The following NSD2 variants were observed in gnomAD, a reference collection of about 807,000 sequenced individuals.
NSD2 encodes histone-lysine N-methyltransferase NSD2.
A neutral mutation model predicts 139.0 loss-of-function variants in NSD2; 12 were observed. That is an observed-to-expected ratio of 0.09 (90% CI 0.06 to 0.14). The LOEUF (loss-of-function observed/expected upper bound fraction) is 0.14. Ranked by LOEUF, NSD2 falls within the 10% of genes least tolerant of loss-of-function variation. The probability of loss-of-function intolerance (pLI) is 1.00; values close to 1 mark genes in which losing one functional copy is unlikely to be tolerated. For missense variants in NSD2, 1,155 were observed against 1,745.0 expected (o/e 0.66, Z 6.02); for synonymous variants, 669 against 648.7 (o/e 1.03, Z -0.48).
intron 7 of NSD2, among the ~76,000 whole-genome samples, chr4:1,935,782 AC>A (rs1722313483): frequency 6.6e-6 from 1 of 151,816 alleles, no homozygotes; most frequent in Non-Finnish European, 1.5e-5. Context: ...AATTGCTTGA[AC>A]CTGACAGGCA....
intron 1 of NSD2, among the ~76,000 whole-genome samples, chr4:1,893,120 C>CGAAG (rs755545318): frequency 2.0e-5 from 3 of 152,142 alleles, no homozygotes; most frequent in Non-Finnish European, 2.9e-5. Flanking sequence ...TAATCCCTTC[C>CGAAG]GTTCTTTGTC....
chr4:1,890,024 C>T (rs533634832), intron 1 of NSD2, among the ~76,000 whole-genome samples: 7 of 152,256 alleles, frequency 4.6e-5, no homozygotes, highest in African/African-American at 1.7e-4. Context: ...AGCCATTCTA[C>T]TTCTGTCTTT....
intron 5 of NSD2, chr4:1,918,906 G>C (rs1377909941): frequency 7.0e-6 from 2 of 284,262 alleles, no homozygotes; most frequent in Non-Finnish European, 1.3e-5. Flanking sequence ...TCAGTACTTT[G>C]GGAGGCCAAG....
chr4:1,947,882 T>C, intron 9 of NSD2: 1 of 1,055,240 alleles, frequency 9.5e-7, no homozygotes, highest in South Asian at 4.6e-5. Flanking sequence ...ATGACGCCAC[T>C]CTGAAGAGTA....
In NSD2 at chr4:1,890,616, A is replaced by G. The variant is rs1577367395; in HGVS notation, c.-29-10010A>G. Among the ~76,000 whole-genome samples the G allele has an allele frequency of 2.2e-5, 3 of 134,488 alleles. No individual in the cohort carries two copies. The South Asian group carries it at 7.1e-4, about 32-fold the overall frequency. 88.2% of individuals were successfully genotyped at this position (134,488 alleles called of 152,430 possible). On this transcript the variant is annotated intron_variant, in intron 1 of 21. Transcript: ENST00000508803. ...GCACCCGGCCTATACAAGGTTTTTT[A>G]TTGAGATGGAGTTTCACTTTCGTTG...
intron 1 of NSD2, among the ~76,000 whole-genome samples, chr4:1,890,501 C>G (rs1307551084): frequency 6.6e-6 from 1 of 151,926 alleles, no homozygotes; most frequent in African/African-American, 2.4e-5. Flanking sequence ...CAGGGTTTCA[C>G]TGTGTTAGCC....
intron 9 of NSD2, chr4:1,943,347 C>T: frequency 1.9e-6 from 2 of 1,043,126 alleles, no homozygotes; most frequent in South Asian, 9.2e-5. Context: ...TAATGTAACG[C>T]ATGTAAGATG....
intron 15 of NSD2, among the ~76,000 whole-genome samples, chr4:1,957,282 G>T (rs1035727253): frequency 3.1e-4 from 47 of 149,852 alleles, no homozygotes; most frequent in African/African-American, 1.0e-3. Flanking sequence ...ATGTTTTTTT[G>T]TTTTTGTTTT....
intron 1 of NSD2, among the ~76,000 whole-genome samples, chr4:1,877,685 G>C (rs1714361299): frequency 6.6e-6 from 1 of 152,086 alleles, no homozygotes; most frequent in African/African-American, 2.4e-5. Flanking sequence ...TTCTCATTCT[G>C]TTCCAGCCAC....
chr4:1,975,310 T>C lies in NSD2; in HGVS notation c.3531T>C (p.Phe1177=), dbSNP rs762254504. 3.7e-6 allele frequency: 6 copies of C among 1,614,108 alleles called. No homozygotes were observed. Among genetic ancestry groups the C allele is most frequent in the Non-Finnish European group, 5.1e-6 (6 of 1,180,062 alleles). ...CDIPAGTELT[F]NYNLDCLGNE... ...TTCTCCCAGGGACGGAGCTGACTTT[T>C]AACTACAACCTCGATTGTCTGGGCA... Residue 1177 remains phenylalanine, a synonymous_variant, in exon 20 of 22, where the codon TTT becomes TTC. Transcript: ENST00000508803.
At chr4:1,934,908 T>TAA (rs58817114) in intron 6 of NSD2, among the ~76,000 whole-genome samples, 29 of 78,988 alleles carry the variant, frequency 3.7e-4, no homozygotes, top group Non-Finnish European at 4.8e-4. Flanking sequence ...TATATATATA[T>TAA]AAAAAACAGA....
chr4:1,881,633 G>A (rs1243188956), intron 1 of NSD2, among the ~76,000 whole-genome samples: 1 of 152,136 alleles, frequency 6.6e-6, no homozygotes, highest in African/African-American at 2.4e-5. Flanking sequence ...CTCGACTCAA[G>A]CAGTCCTTCT....
chr4:1,959,397 G>A, intron 16 of NSD2, 74 bp from the exon 17 acceptor site: 1 of 1,551,946 alleles, frequency 6.4e-7, no homozygotes, highest in Non-Finnish European at 8.8e-7. Flanking sequence ...GGTAAGGAGA[G>A]GCAGTGGTGG....
rs950682171 is a variant in NSD2 at position 1,979,390 on chromosome 4, G to A, written c.*481G>A. ...TGTGAGGACTGACCCTGGATTCCTC[G>A]AAACTGCCATTGTGATCATTACTCT... On this transcript the variant is annotated 3_prime_UTR_variant, in exon 22 of 22. Transcript: ENST00000508803. 4 of 235,652 alleles carry A rather than the reference G, an allele frequency of 1.7e-5. No homozygotes were observed. The highest frequency in any genetic ancestry group is 2.5e-3 in the Middle Eastern group (2 of 796). 14.6% of individuals were successfully genotyped at this position (235,652 alleles called of 1,614,324 possible).
At chr4:1,957,902 A>C (rs535405733) in intron 15 of NSD2, 31 bp from the exon 16 acceptor site, 2 of 1,600,944 alleles carry the variant, frequency 1.2e-6, no homozygotes, top group East Asian at 4.5e-5. Context: ...TATTTACTAA[A>C]ATCTTTACTC....
In NSD2 at chr4:1,942,546, T is replaced by A. The variant is rs1003415997; in HGVS notation, c.1881+2768T>A. ...AAACACATACAATGAAGAAAACAGATAACAAATTTTAAGACCAAGGTAAGA... is the reference window on the plus strand; with the variant it reads ...AAACACATACAATGAAGAAAACAGAAAACAAATTTTAAGACCAAGGTAAGA... On this transcript the variant is annotated intron_variant, in intron 9 of 21. Transcript: ENST00000508803. The surrounding 1 kb of genome is among the most constrained non-coding windows in gnomAD (Gnocchi z 4.0). 10 of 1,395,570 alleles carry A rather than the reference T, an allele frequency of 7.2e-6. No individual in the cohort carries two copies. The highest frequency in any genetic ancestry group is 9.3e-6 in the Non-Finnish European group (10 of 1,071,696). 86.4% of individuals were successfully genotyped at this position (1,395,570 alleles called of 1,614,324 possible).
intron 21 of NSD2, 115 bp from the exon 22 acceptor site, chr4:1,978,523 C>G (rs1176228581): frequency 7.0e-7 from 1 of 1,433,112 alleles, no homozygotes; most frequent in East Asian, 2.4e-5. Context: ...TTCGCTGGAG[C>G]CAGCACTATT....
At chr4:1,923,339 T>A (rs1030297376) in intron 5 of NSD2, among the ~76,000 whole-genome samples, 49 of 143,196 alleles carry the variant, frequency 3.4e-4, no homozygotes, top group Admixed American at 8.3e-4. Flanking sequence ...AAAAAAAAAA[T>A]TCTTATGTGT....
intron 6 of NSD2, among the ~76,000 whole-genome samples, chr4:1,934,903 AT>A (rs1482445370): frequency 1.5e-5 from 2 of 131,342 alleles, no homozygotes; most frequent in African/African-American, 2.9e-5. Context: ...ATATATATAT[AT>A]ATATAAAAAA....
Sources: gnomAD v4.1 joint callset for allele counts (sites outside exome capture counted in the v4.1 genomes callset) on GRCh38, gnomAD v4.1.1 for gene constraint, Gnocchi (gnomAD v3.1) non-coding constraint, MANE v1.5 for transcripts, NCBI Gene and HGNC (gene_info 2026-07-23, HGNC 2026-07-21) for gene names.